ZNF675: variants seen among roughly 807,000 people sequenced by gnomAD.
ZNF675 encodes TRAF6 inhibitory zinc finger.
Under a neutral mutation model 56.1 loss-of-function variants are expected in ZNF675, and 36 were observed. The observed-to-expected ratio is 0.64, with a 90% confidence interval of 0.49 to 0.85. The LOEUF (loss-of-function observed/expected upper bound fraction) is 0.85, where lower values mean the gene tolerates loss of function less well. Among genes scored for constraint, ZNF675 ranks in the 40% least tolerant of loss-of-function variants. The probability of loss-of-function intolerance (pLI) is 0.00; values close to 1 mark genes in which losing one functional copy is unlikely to be tolerated. For synonymous variants in ZNF675, 200 were observed against 218.9 expected, an observed-to-expected ratio of 0.91 and a Z score of 0.76; for missense variants, 663 against 654.2, an observed-to-expected ratio of 1.01 and a Z score of -0.15.
At chr19:23,660,428 C>T (rs1287284813) in intron 3 of ZNF675, among the ~76,000 whole-genome samples, 1 of 152,082 alleles carries the variant, frequency 6.6e-6, no homozygotes, top group Non-Finnish European at 1.5e-5. Flanking sequence ...ATTGAAGACA[C>T]ATAAGTAAAA....
chr19:23,655,651 T>C (rs544062058), intron 3 of ZNF675: 1 of 152,172 alleles, frequency 6.6e-6, no homozygotes, highest in South Asian at 2.1e-4. Flanking sequence ...TCAACAATGA[T>C]GATTACATTG....
At chr19:23,671,183 T>C (rs1296730525) in intron 1 of ZNF675, among the ~76,000 whole-genome samples, 1 of 152,182 alleles carries the variant, frequency 6.6e-6, no homozygotes, top group Admixed American at 6.5e-5. Flanking sequence ...AAAATACTAA[T>C]GGCAAAGCAT....
In ZNF675 at chr19:23,654,583, T is replaced by G. The variant is rs767967302; in HGVS notation, c.350A>C (p.Lys117Thr). ...GTGCAACTTACATTCATCCACACTT[T>G]TACAGCCTTTTAACTGAAAATTATC... ...GNDNFQLKGC[K>T]SVDECKLHKG... Residue 117 changes from lysine to threonine, a missense_variant, in exon 4 of 4, where the codon AAA (lysine) becomes ACA (threonine). By Grantham distance (78) the Lys-to-Thr change is moderately conservative. Around this residue, in one of 3 missense-constraint regions of ZNF675, gnomAD observed 617 missense variants for 590.5 expected, o/e 1.04. Transcript: ENST00000359788. 6.2e-7 allele frequency: 1 copy of G among 1,612,032 alleles called. No homozygotes were observed. The highest frequency in any genetic ancestry group is 1.7e-5 in the Admixed American group (1 of 59,626).
chr19:23,664,592 T>C (rs1227065529), intron 1 of ZNF675, among the ~76,000 whole-genome samples: 1 of 152,176 alleles, frequency 6.6e-6, no homozygotes, highest in East Asian at 1.9e-4. Flanking sequence ...AGAACTCTCA[T>C]GAATATATCT....
chr19:23,663,230 T>C lies in ZNF675; in HGVS notation c.4-72A>G. 6 of 1,543,070 alleles carry C rather than the reference T, an allele frequency of 3.9e-6. No homozygotes were observed. The South Asian group carries it at 7.1e-5, about 18-fold the overall frequency. On this transcript the variant is annotated intron_variant, in intron 1 of 3. Transcript: ENST00000359788. ...GATTATAATTTGACTCAAGGTAAAATGAGAGACTAAAGAGAACAGGTTCTG... is the reference window on the plus strand; with the variant it reads ...GATTATAATTTGACTCAAGGTAAAACGAGAGACTAAAGAGAACAGGTTCTG...
At chr19:23,667,726 G>C (rs1162058437) in intron 1 of ZNF675, among the ~76,000 whole-genome samples, 1 of 149,846 alleles carries the variant, frequency 6.7e-6, no homozygotes, top group Non-Finnish European at 1.5e-5. Flanking sequence ...TGATTGGAGT[G>C]TTTACAAACC....
chr19:23,661,948 A>G, intron 3 of ZNF675, 166 bp downstream of exon 3: 1 of 573,596 alleles, frequency 1.7e-6, no homozygotes. Context: ...TTAAAAGCAT[A>G]AGACAGAAAA....
chr19:23,654,132 C>A lies in ZNF675; in HGVS notation c.801G>T (p.Gln267His). 9.3e-6 allele frequency: 15 copies of A among 1,612,802 alleles called. No individual in the cohort carries two copies. The highest frequency in any genetic ancestry group is 1.3e-5 in the Non-Finnish European group (15 of 1,179,596). The stretch of plus-strand genomic sequence containing the variant: ...TCTTATGTGTAGTAAGGTGTGAGGA[C>A]TGGTTAAAGGCTTTGCCACATTCTT... Reference protein sequence around the residue: ...KCEECGKAFNQSSHLTTHKII... With the variant: ...KCEECGKAFNHSSHLTTHKII... Residue 267 changes from glutamine to histidine, a missense_variant, in exon 4 of 4, where the codon CAG becomes CAT. Physicochemically the swap from Gln to His is conservative, Grantham distance 24. Around this residue, in one of 3 missense-constraint regions of ZNF675, gnomAD observed 617 missense variants for 590.5 expected, o/e 1.04. Coordinates refer to ENST00000359788, the MANE Select transcript of ZNF675 (RefSeq NM_138330.3).
chr19:23,653,945 G>T lies in ZNF675; in HGVS notation c.988C>A (p.His330Asn), dbSNP rs374648370. 1.9e-5 allele frequency: 31 copies of T among 1,613,346 alleles called. No homozygotes were observed. The highest frequency in any genetic ancestry group is 2.4e-5 in the Non-Finnish European group (28 of 1,179,556). Reference sequence around the variant, plus strand: ...TTTTCTCCAGTATGAATTCTCTTATGTGTAGTAAGGGTTGAGGATTGGGTA... The same window carrying T: ...TTTTCTCCAGTATGAATTCTCTTATTTGTAGTAAGGGTTGAGGATTGGGTA... ...AFTQSSTLTTHKRIHTGEKPY... is the reference protein window; with the variant it reads ...AFTQSSTLTTNKRIHTGEKPY... Residue 330 changes from histidine to asparagine, a missense_variant, in exon 4 of 4, where the codon CAT (histidine) becomes AAT (asparagine). Physicochemically the swap from His to Asn is moderately conservative, Grantham distance 68. This residue lies in a region of ZNF675 where 617 missense variants were observed against 590.5 expected (regional missense o/e 1.04). Coordinates refer to ENST00000359788, the MANE Select transcript of ZNF675 (RefSeq NM_138330.3).
Position 23,686,997 on chromosome 19 carries a change from C to T in ZNF675, c.3+34G>A, listed in dbSNP as rs187551246. 55 of 1,613,534 alleles carry T rather than the reference C, an allele frequency of 3.4e-5. No homozygotes were observed. The East Asian group carries it at 8.9e-4, about 26-fold the overall frequency. On this transcript the variant is annotated intron_variant, in intron 1 of 3. Transcript: ENST00000359788. ...TCCCACGGGTTCCAACCAGCCCCTT[C>T]CCCCTCTCGGGATGTCGCACCCGTA...
chr19:23,676,394 C>T (rs1968294775), intron 1 of ZNF675, among the ~76,000 whole-genome samples: 1 of 9,002 alleles, frequency 1.1e-4, no homozygotes, highest in East Asian at 0.024. Flanking sequence ...AAAGACAAAA[C>T]AAACACACAA....
chr19:23,676,862 C>T (rs1968302482), intron 1 of ZNF675, among the ~76,000 whole-genome samples: 1 of 151,078 alleles, frequency 6.6e-6, no homozygotes, highest in Non-Finnish European at 1.5e-5. Flanking sequence ...ATCACGAGGT[C>T]AGGAGATGGA....
intron 3 of ZNF675, among the ~76,000 whole-genome samples, chr19:23,660,683 T>C (rs1180548019): frequency 2.0e-5 from 3 of 152,132 alleles, no homozygotes; most frequent in Non-Finnish European, 4.4e-5. Flanking sequence ...CAGTGAAAGA[T>C]ATTAGAAAAG....
At chr19:23,657,957 CAATA>C (rs969379097) in intron 3 of ZNF675, among the ~76,000 whole-genome samples, 11 of 151,848 alleles carry the variant, frequency 7.2e-5, no homozygotes, top group African/African-American at 2.7e-4. Flanking sequence ...AACAAAAAAA[CAATA>C]AACAGATGTC....
chr19:23,662,063 T>C lies in ZNF675; in HGVS notation c.226+51A>G, dbSNP rs772419591. 30 of 1,335,208 alleles carry C rather than the reference T, an allele frequency of 2.2e-5. No individual in the cohort carries two copies. In the South Asian group the frequency reaches 3.3e-4, roughly 15 times the overall value. The allele number at this position is 1,335,208 out of a possible 1,614,324, so 82.7% of individuals were successfully genotyped here. A position where few individuals can be genotyped will look rare whatever the true frequency, so the allele number is the denominator to read the frequency against. On this transcript the variant is annotated intron_variant, in intron 3 of 3. Coordinates refer to ENST00000359788, the MANE Select transcript of ZNF675 (RefSeq NM_138330.3). Reference sequence around the variant, plus strand: ...TAAGGACTGGCTTTCTCTTTGACCTTTGGACCTCTCATCAGTGTCACCTGT... The same window carrying C: ...TAAGGACTGGCTTTCTCTTTGACCTCTGGACCTCTCATCAGTGTCACCTGT...
chr19:23,662,451 A>G (rs78172765), intron 2 of ZNF675, among the ~76,000 whole-genome samples: 14,414 of 152,152 alleles, frequency 0.095, 690 homozygotes, highest in East Asian at 0.22. Context: ...GGTGTGGGCA[A>G]CAATATTTTA....
chr19:23,673,317 C>T (rs1968249578), intron 1 of ZNF675, among the ~76,000 whole-genome samples: 1 of 150,288 alleles, frequency 6.7e-6, no homozygotes, highest in Admixed American at 6.6e-5. Context: ...ACTCAATGCA[C>T]ACCTGTTACT....
intron 1 of ZNF675, among the ~76,000 whole-genome samples, chr19:23,663,722 A>T (rs1968112905): frequency 6.6e-6 from 1 of 152,226 alleles, no homozygotes; most frequent in African/African-American, 2.4e-5. Context: ...CATCTCAAAA[A>T]AATACATAAT....
chr19:23,671,900 C>CA (rs1568293818), intron 1 of ZNF675, among the ~76,000 whole-genome samples: 1 of 147,750 alleles, frequency 6.8e-6, no homozygotes, highest in African/African-American at 2.5e-5. Context: ...ACATCTCTTG[C>CA]ATGGGGGTAG....
Sources: gnomAD v4.1 joint callset for allele counts (sites outside exome capture counted in the v4.1 genomes callset) on GRCh38, gnomAD v4.1.1 for gene constraint, gnomAD v4.1.1 regional missense constraint, MANE v1.5 for transcripts, NCBI Gene and HGNC (gene_info 2026-07-23, HGNC 2026-07-21) for gene names.